FUBP1: variants seen among roughly 807,000 people sequenced by gnomAD.
FUBP1 encodes the protein far upstream element binding protein 1.
In FUBP1, 16 loss-of-function variants were observed where a neutral mutation model predicts 94.9. The observed-to-expected ratio is 0.17, with a 90% CI of 0.11 to 0.26. The LOEUF (loss-of-function observed/expected upper bound fraction) is 0.26, where lower values mean the gene tolerates loss of function less well. Among genes scored for constraint, FUBP1 ranks in the 10% least tolerant of loss-of-function variants. The pLI is 1.00. For synonymous variants in FUBP1, 279 were observed against 254.9 expected, an observed-to-expected ratio of 1.09 and a Z score of -0.90; for missense variants, 583 against 808.6, an observed-to-expected ratio of 0.72 and a Z score of 3.38.
rs773403775 is a variant in FUBP1, at chr1:77,955,214, T to C, written c.1780+41A>G. 8.3e-6 allele frequency: 7 copies of C among 845,778 alleles called. No homozygotes were observed. The East Asian group carries it at 1.7e-4, about 21-fold the overall frequency. 52.4% of individuals were successfully genotyped at this position (845,778 alleles called of 1,614,324 possible). A position where few individuals can be genotyped will look rare whatever the true frequency, so the allele number is the denominator to read the frequency against. Reference sequence around the variant, plus strand: ...TCCTGAAGAGAATAATTTGTTTCAATTTAATTAAGTATGTATTTTCAAGAA... The same window carrying C: ...TCCTGAAGAGAATAATTTGTTTCAACTTAATTAAGTATGTATTTTCAAGAA... On this transcript the variant is annotated intron_variant, in intron 18 of 19. Coordinates refer to ENST00000370768, the MANE Select transcript of FUBP1 (RefSeq NM_003902.5).
Position 77,965,121 on chromosome 1 carries a change from C to A in FUBP1, c.584G>T (p.Ser195Ile), listed in dbSNP as rs766891887. 6.2e-7 allele frequency: 1 copy of A among 1,612,474 alleles called. No individual in the cohort carries two copies. Among genetic ancestry groups the A allele is most frequent in the African/African-American group, 1.3e-5 (1 of 74,876 alleles). ...NAVQEIMIPASKAGLVIGKGG... is the reference protein window; with the variant it reads ...NAVQEIMIPAIKAGLVIGKGG... ...TTTTCCAATGACTAATCCTGCCTTG[C>A]TAGCTGGAATCATGATTTCTTGAAC... The change falls in exon 8 of 20, where the codon AGC (serine) becomes ATC (isoleucine). Residue 195 changes from serine to isoleucine, a missense_variant. Physicochemically the swap from Ser to Ile is moderately radical, Grantham distance 142 (BLOSUM62 -2). Transcript: ENST00000370768.
intron 7 of FUBP1, among the ~76,000 whole-genome samples, 156 bp from the exon 8 acceptor site, chr1:77,965,387 A>G (rs972961482): frequency 6.6e-6 from 1 of 152,222 alleles, no homozygotes; most frequent in African/African-American, 2.4e-5. Flanking sequence ...TTTTAACTGA[A>G]AGAAAATGCC....
chr1:77,960,290 C>A, intron 15 of FUBP1, 27 bp from the exon 16 acceptor site: 1 of 1,612,390 alleles, frequency 6.2e-7, no homozygotes, highest in Non-Finnish European at 8.5e-7. Flanking sequence ...GCATAAAAAA[C>A]AGTCCCAAAA....
In FUBP1 at chr1:77,969,895, A is replaced by G. The variant is rs369982389; in HGVS notation, c.211+30T>C. 7.1e-6 allele frequency: 7 copies of G among 981,450 alleles called. No homozygotes were observed. The African/African-American group carries it at 1.2e-4, about 16-fold the overall frequency. 60.8% of individuals were successfully genotyped at this position (981,450 alleles called of 1,614,324 possible). A position where few individuals can be genotyped will look rare whatever the true frequency, so the allele number is the denominator to read the frequency against. ...TCACTTCAACTAAACACTCTGAAAA[A>G]CAATTTAAAATACTTAGAGTATAAC... On this transcript the variant is annotated intron_variant, in intron 2 of 19. Transcript: ENST00000370768.
chr1:77,969,885 ACT>A, intron 2 of FUBP1, 38 bp downstream of exon 2: 2 of 864,684 alleles, frequency 2.3e-6, no homozygotes, highest in Non-Finnish European at 1.8e-6. Flanking sequence ...TCAACTAAAC[ACT>A]CTGAAAAACA....
In FUBP1 at chr1:77,948,502, A is replaced by G. The variant is rs998726980; in HGVS notation, c.*264T>C. ...ATTTATATCACAAAGCATCAACCAC[A>G]TAATTGCAAATACATTTGCTGGAAT... On this transcript the variant is annotated 3_prime_UTR_variant, in exon 20 of 20. Coordinates refer to ENST00000370768, the MANE Select transcript of FUBP1 (RefSeq NM_003902.5). The G allele has an allele frequency of 8.9e-6, 11 of 1,234,954 alleles. No individual in the cohort carries two copies. The African/African-American group carries it at 1.1e-4, about 12-fold the overall frequency. The allele number at this position is 1,234,954 out of a possible 1,614,324, so 76.5% of individuals were successfully genotyped here.
chr1:77,976,756 G>C (rs1002133620), intron 1 of FUBP1, among the ~76,000 whole-genome samples: 5 of 152,146 alleles, frequency 3.3e-5, no homozygotes, highest in African/African-American at 1.2e-4. Flanking sequence ...GCCTCCCAAA[G>C]TGCTGGGACT....
Position 77,965,175 on chromosome 1 carries a change from A to C in FUBP1, c.530T>G (p.Phe177Cys), listed in dbSNP as rs889381884. Residue 177 changes from phenylalanine (F) to cysteine (C), a missense_variant, in exon 8 of 20, where the codon TTC becomes TGC. Transcript: ENST00000370768. ...ATTTCCCGGTCCATCGCCATGATGGAAGCCAGGAGCTGGTCTTCCTTTTTC... is the reference window on the plus strand; with the variant it reads ...ATTTCCCGGTCCATCGCCATGATGGCAGCCAGGAGCTGGTCTTCCTTTTTC... ...IVEKGRPAPG[F>C]HHGDGPGNAV... The C allele has an allele frequency of 6.2e-7, 1 of 1,612,204 alleles. No homozygotes were observed.
At chr1:77,977,902 TAA>T (rs1659001570) in intron 1 of FUBP1, among the ~76,000 whole-genome samples, 1 of 152,190 alleles carries the variant, frequency 6.6e-6, no homozygotes, top group Non-Finnish European at 1.5e-5. Context: ...ACTGTCCCGG[TAA>T]AAAGTTAACT....
intron 16 of FUBP1, among the ~76,000 whole-genome samples, chr1:77,958,907 T>TA (rs766606998): frequency 7.9e-5 from 12 of 152,280 alleles, no homozygotes; most frequent in Non-Finnish European, 1.2e-4. Flanking sequence ...AATTAGTTGT[T>TA]AAGAGTATTA....
intron 1 of FUBP1, among the ~76,000 whole-genome samples, chr1:77,973,383 T>C (rs1657963301): frequency 6.6e-6 from 1 of 152,152 alleles, no homozygotes; most frequent in South Asian, 2.1e-4. Flanking sequence ...GTAGCTGGGA[T>C]TACAGGCGCC....
At chr1:77,977,389 G>C (rs188669528) in intron 1 of FUBP1, among the ~76,000 whole-genome samples, 1 of 152,286 alleles carries the variant, frequency 6.6e-6, no homozygotes, top group Non-Finnish European at 1.5e-5. Flanking sequence ...AGCCGGGCAT[G>C]GTGGCGGGCG....
rs1407181666 is a variant in FUBP1 at position 77,956,623 on chromosome 1, G to A, written c.1654C>T (p.Pro552Ser). The A allele has an allele frequency of 6.2e-7, 1 of 1,611,280 alleles. No homozygotes were observed. The highest frequency in any genetic ancestry group is 2.2e-5 in the East Asian group (1 of 44,874). The change falls in exon 17 of 20, where the codon CCA becomes TCA. Residue 552 changes from proline (P) to serine (S), a missense_variant. Physicochemically the swap from Pro to Ser is moderately conservative, Grantham distance 74. Coordinates refer to ENST00000370768, the MANE Select transcript of FUBP1 (RefSeq NM_003902.5). ...GGTGCACCTGCAGGGGCTGCTGGTG[G>A]TGGCTGTGCTTGCTGTTGATAATAG... ...AHYYQQQAQP[P>S]PAAPAGAPTT...
At chr1:77,962,073 TTG>T (rs752888188) in intron 14 of FUBP1, among the ~76,000 whole-genome samples, 2 of 152,194 alleles carry the variant, frequency 1.3e-5, no homozygotes, top group Non-Finnish European at 2.9e-5. Flanking sequence ...CCTGCACACT[TTG>T]TGTTAAAAAC....
chr1:77,964,837 CTCTT>C lies in FUBP1; in HGVS notation c.735+29_735+32del, dbSNP rs749672570. 5.3e-5 allele frequency: 81 copies of C among 1,520,472 alleles called. No homozygotes were observed. In the South Asian group the frequency reaches 7.4e-4, roughly 14 times the overall value. 94.2% of individuals were successfully genotyped at this position (1,520,472 alleles called of 1,614,324 possible). On this transcript the variant is annotated intron_variant, in intron 9 of 19. Transcript: ENST00000370768. ...ATTTTGCCCAACCCCATTCAACCCA[CTCTT>C]TCTTTATAAAGTATAAAGTTAAGTT...
rs949021020 is a variant in FUBP1 at position 77,946,312 on chromosome 1, T to TAA, written c.*2452_*2453dup. ...TCTACTCATCATTTTCTTGTCTTAA[T>TAA]AAAAAAAAAAAAGTAAAATAAAAAA... On this transcript the variant is annotated 3_prime_UTR_variant, in exon 20 of 20. Transcript: ENST00000370768. Among the ~76,000 whole-genome samples the TAA allele has an allele frequency of 2.2e-5, 3 of 136,102 alleles. No individual in the cohort carries two copies. The highest frequency in any genetic ancestry group is 7.3e-5 in the Admixed American group (1 of 13,708). 89.3% of individuals were successfully genotyped at this position (136,102 alleles called of 152,430 possible).
chr1:77,976,980 ACT>A (rs1241315898), intron 1 of FUBP1, among the ~76,000 whole-genome samples: 3 of 151,698 alleles, frequency 2.0e-5, no homozygotes, highest in Non-Finnish European at 2.9e-5. Flanking sequence ...CACTGGCCAA[ACT>A]CTCTTTCATT....
At chr1:77,954,268 TGTAACCAACCTTAATCAGA>T (rs1393836092) in intron 18 of FUBP1, among the ~76,000 whole-genome samples, 1 of 152,236 alleles carries the variant, frequency 6.6e-6, no homozygotes, top group Non-Finnish European at 1.5e-5. Flanking sequence ...AAATAAATTA[TGTAACCAACCTTAATCAGA>T]GTATGCTGTT....
chr1:77,969,422 C>T (rs752487456), intron 2 of FUBP1, among the ~76,000 whole-genome samples: 3 of 151,106 alleles, frequency 2.0e-5, no homozygotes, highest in Non-Finnish European at 4.4e-5. Context: ...TAAAGCTAAA[C>T]GTGAAACACA....
Sources: allele counts gnomAD v4.1 joint callset (sites outside exome capture counted in the v4.1 genomes callset), GRCh38; gene constraint gnomAD v4.1.1; transcripts MANE v1.5; gene names NCBI Gene and HGNC (gene_info 2026-07-23, HGNC 2026-07-21).